Variants in RGS9 observed in about 807,000 individuals in gnomAD.
RGS9 encodes the protein regulator of G-protein signalling 9.
A neutral mutation model predicts 102.0 loss-of-function variants in RGS9; 78 were observed. The observed-to-expected ratio is 0.76, with a 90% CI of 0.64 to 0.92. The LOEUF (loss-of-function observed/expected upper bound fraction) is 0.92, where lower values mean the gene tolerates loss of function less well. Ranked by LOEUF, RGS9 falls within the 40% of genes least tolerant of loss-of-function variation. RGS9 has a pLI of 0.00. For synonymous variants in RGS9, 353 were observed against 318.6 expected (o/e 1.11, Z -1.15); for missense variants, 833 against 866.1 (o/e 0.96, Z 0.48).
intron 8 of RGS9, among the ~76,000 whole-genome samples, chr17:65,175,210 T>G (rs1911580239): frequency 6.6e-6 from 1 of 152,006 alleles, no homozygotes; most frequent in Admixed American, 6.6e-5. Context: ...TGTGCCAGTG[T>G]GTCAGGGCAT....
At chr17:65,211,439 AC>A (rs1913295131) in intron 17 of RGS9, among the ~76,000 whole-genome samples, 1 of 152,262 alleles carries the variant, frequency 6.6e-6, no homozygotes, top group Non-Finnish European at 1.5e-5. Context: ...TGGCTAAAGA[AC>A]AAAGGCATTG....
At chr17:65,160,749 C>T (rs1322235610) in intron 5 of RGS9, 102 bp from the exon 6 acceptor site, 4 of 1,410,874 alleles carry the variant, frequency 2.8e-6, no homozygotes, top group East Asian at 2.3e-5. Flanking sequence ...GTGTGCTGAG[C>T]GTTCTCTCCC....
At chr17:65,192,247 A>G (rs942830575) in intron 11 of RGS9, among the ~76,000 whole-genome samples, 1 of 152,220 alleles carries the variant, frequency 6.6e-6, no homozygotes, top group Non-Finnish European at 1.5e-5. Flanking sequence ...TTGAAAGTAT[A>G]TAAAGTAAAA....
At chr17:65,162,272 T>A (rs530528480) in intron 6 of RGS9, among the ~76,000 whole-genome samples, 33 of 152,058 alleles carry the variant, frequency 2.2e-4, no homozygotes, top group African/African-American at 7.7e-4. Context: ...GCACAGGTAG[T>A]CCTAGCTACT....
chr17:65,203,125 G>A (rs769298273), intron 14 of RGS9, among the ~76,000 whole-genome samples: 4 of 152,308 alleles, frequency 2.6e-5, no homozygotes, highest in Non-Finnish European at 2.9e-5. Flanking sequence ...AACTCAGATT[G>A]CAACACCCCG....
At chr17:65,217,346 A>C (rs1913555380) in intron 17 of RGS9, among the ~76,000 whole-genome samples, 1 of 152,230 alleles carries the variant, frequency 6.6e-6, no homozygotes, top group Admixed American at 6.5e-5. Flanking sequence ...GTGAACAAAA[A>C]ACCAGACCTT....
In RGS9 at chr17:65,162,889, A is replaced by G. The variant is rs116681341; in HGVS notation, c.424-124A>G. On this transcript the variant is annotated intron_variant, in intron 6 of 18. Coordinates refer to ENST00000262406, the MANE Select transcript of RGS9 (RefSeq NM_003835.4). ...CCATGGTAAAACCAGCTTAGATACC[A>G]TCGGGCTGGGTCCATGGTTGCCATG... 2.7e-3 allele frequency: 1,831 copies of G among 690,750 alleles called. 35 individuals are homozygous for G. The African/African-American group carries it at 0.029, about 11-fold the overall frequency. 42.8% of individuals were successfully genotyped at this position (690,750 alleles called of 1,614,324 possible). A position where few individuals can be genotyped will look rare whatever the true frequency, so the allele number is the denominator to read the frequency against.
Position 65,154,671 on chromosome 17 carries a change from T to C in RGS9, c.154+1153T>C, listed in dbSNP as rs570828555. 3.9e-5 allele frequency among the ~76,000 whole-genome samples: 6 copies of C among 152,286 alleles called. No homozygotes were observed. The South Asian group carries it at 1.2e-3, about 32-fold the overall frequency. The stretch of plus-strand genomic sequence containing the variant: ...GTGGGGGTGAGGTGCCTACAGAGCA[T>C]CATTTGGGGATATTGGCAAGAAGGG... On this transcript the variant is annotated intron_variant, in intron 2 of 18. Transcript: ENST00000262406.
At position 65,179,635 on chromosome 17, in the gene RGS9, CTGTGTGTGTGTGTGTG is replaced by C. The variant is rs56275900; in HGVS notation, c.654+1864_654+1879del. ...TGACCCAAGCCAGGATACTGCTCAG[CTGTGTGTGTGTGTGTG>C]TGTGTGTGTGTGTGTGTGTGTGTGT... On this transcript the variant is annotated intron_variant, in intron 9 of 18. Transcript: ENST00000262406. 6.1e-3 allele frequency among the ~76,000 whole-genome samples: 760 copies of C among 125,084 alleles called. 16 individuals carry two copies. Among genetic ancestry groups the C allele is most frequent in the African/African-American group, 0.022 (662 of 30,756 alleles). The allele number at this position is 125,084 out of a possible 152,430, so 82.1% of individuals were successfully genotyped here.
intron 2 of RGS9, among the ~76,000 whole-genome samples, chr17:65,154,249 G>C (rs1485180067): frequency 6.6e-6 from 1 of 152,144 alleles, no homozygotes. Flanking sequence ...GGAGTTTGCA[G>C]TGAGCCAAGA....
At chr17:65,178,339 A>G (rs1200332321) in intron 9 of RGS9, among the ~76,000 whole-genome samples, 1 of 152,120 alleles carries the variant, frequency 6.6e-6, no homozygotes, top group African/African-American at 2.4e-5. Flanking sequence ...TTAAAAAAAA[A>G]TACCTTTCCT....
chr17:65,153,320 C>T lies in RGS9; in HGVS notation c.58-102C>T, dbSNP rs897199140. On this transcript the variant is annotated intron_variant, in intron 1 of 18. Coordinates refer to ENST00000262406, the MANE Select transcript of RGS9 (RefSeq NM_003835.4). Reference sequence around the variant, plus strand: ...TGTACCAGATGGGGAACCCCTGTGTCCACCTTTGCATTTTGAGGTCCCTCT... The same window carrying T: ...TGTACCAGATGGGGAACCCCTGTGTTCACCTTTGCATTTTGAGGTCCCTCT... The T allele has an allele frequency of 1.7e-5, 17 of 981,530 alleles. No homozygotes were observed. The Admixed American group carries it at 2.7e-4, about 16-fold the overall frequency. 60.8% of individuals were successfully genotyped at this position (981,530 alleles called of 1,614,324 possible).
chr17:65,166,079 C>T (rs900122632), intron 7 of RGS9, among the ~76,000 whole-genome samples: 2 of 152,142 alleles, frequency 1.3e-5, no homozygotes, highest in Admixed American at 1.3e-4. Context: ...GCTTGAGCTA[C>T]CTCACAGCAT....
chr17:65,210,796 A>G, intron 17 of RGS9, 191 bp downstream of exon 17: 1 of 928,436 alleles, frequency 1.1e-6, no homozygotes. Context: ...AACTTTCTTC[A>G]TGGGGGACTT....
intron 2 of RGS9, among the ~76,000 whole-genome samples, chr17:65,155,675 G>A (rs1022185561): frequency 6.6e-6 from 1 of 152,020 alleles, no homozygotes; most frequent in African/African-American, 2.4e-5. Flanking sequence ...CAAAGTGCTG[G>A]GATTACCAGC....
chr17:65,210,295 C>T (rs1913241556), intron 16 of RGS9, among the ~76,000 whole-genome samples, 193 bp from the exon 17 acceptor site: 2 of 152,194 alleles, frequency 1.3e-5, no homozygotes, highest in African/African-American at 4.8e-5. Context: ...GCAGTTGGTA[C>T]TCACTCTGGT....
intron 17 of RGS9, among the ~76,000 whole-genome samples, chr17:65,216,260 A>G (rs1913518702): frequency 6.6e-6 from 1 of 152,212 alleles, no homozygotes; most frequent in Admixed American, 6.5e-5. Flanking sequence ...TCAAAACTGA[A>G]TGTTACATTT....
At chr17:65,158,744 G>A in intron 3 of RGS9, 1 of 346,046 alleles carries the variant, frequency 2.9e-6, no homozygotes, top group South Asian at 2.6e-5. Flanking sequence ...AGTGACAAGG[G>A]AGATTGAGAG....
chr17:65,139,943 C>T (rs916877810), intron 1 of RGS9, among the ~76,000 whole-genome samples: 3 of 152,264 alleles, frequency 2.0e-5, no homozygotes, highest in Admixed American at 2.0e-4. Flanking sequence ...TGGAGAAGGG[C>T]CTGGAACAAA....
Sources: allele counts gnomAD v4.1 joint callset (sites outside exome capture counted in the v4.1 genomes callset), GRCh38; gene constraint gnomAD v4.1.1; transcripts MANE v1.5; gene names NCBI Gene and HGNC (gene_info 2026-07-23, HGNC 2026-07-21).